Variants in SLC24A2 observed in about 807,000 individuals in gnomAD.
The protein encoded by SLC24A2 is solute carrier family 24 member 2, also known as sodium/potassium/calcium exchanger 2.
Under a neutral mutation model 62.0 loss-of-function variants are expected in SLC24A2, and 36 were observed. The ratio of observed to expected loss-of-function variants is 0.58; its 90% CI spans 0.44 to 0.77. The LOEUF (loss-of-function observed/expected upper bound fraction) is 0.77, where lower values mean the gene tolerates loss of function less well. Among genes scored for constraint, SLC24A2 ranks in the 30% least tolerant of loss-of-function variants. The pLI is 0.00. For missense variants in SLC24A2, 846 were observed against 817.9 expected, an observed-to-expected ratio of 1.03 and a Z score of -0.42; for synonymous variants, 358 against 294.0, an observed-to-expected ratio of 1.22 and a Z score of -2.23.
the SLC24A2 span, among the ~76,000 whole-genome samples, chr9:19,813,582 G>T: frequency 6.6e-6 from 1 of 152,012 alleles, no homozygotes; most frequent in Non-Finnish European, 1.5e-5. Context: ...GCCTTCCAAA[G>T]TGCTGGGATT....
chr9:19,665,890 C>T (rs928770059), intron 2 of SLC24A2, among the ~76,000 whole-genome samples: 1 of 152,104 alleles, frequency 6.6e-6, no homozygotes, highest in South Asian at 2.1e-4. Context: ...AACTCCTTGG[C>T]TGAAGCACCT....
intron 6 of SLC24A2, among the ~76,000 whole-genome samples, chr9:19,574,341 T>C (rs1456822658): frequency 6.6e-6 from 1 of 152,160 alleles, no homozygotes; most frequent in African/African-American, 2.4e-5. Flanking sequence ...AAGTGCAGAT[T>C]TGACACTTGA....
chr9:19,889,742 G>A, the SLC24A2 span, among the ~76,000 whole-genome samples: 1 of 152,126 alleles, frequency 6.6e-6, no homozygotes, highest in African/African-American at 2.4e-5. Context: ...TACCATGGTG[G>A]CTGTCAAAAT....
chr9:20,105,394 C>A, the SLC24A2 span, among the ~76,000 whole-genome samples: 2 of 151,978 alleles, frequency 1.3e-5, no homozygotes, highest in Admixed American at 6.6e-5. Flanking sequence ...ACAGAATATA[C>A]ATTTTTTTCA....
chr9:20,113,922 C>G, the SLC24A2 span, among the ~76,000 whole-genome samples: 2 of 152,130 alleles, frequency 1.3e-5, no homozygotes, highest in Non-Finnish European at 1.5e-5. Flanking sequence ...GAACAACAGG[C>G]AGCTTGGGAT....
intron 8 of SLC24A2, among the ~76,000 whole-genome samples, chr9:19,549,622 C>A (rs1000884533): frequency 6.6e-6 from 1 of 152,166 alleles, no homozygotes; most frequent in African/African-American, 2.4e-5. Flanking sequence ...TCCAGTAGAC[C>A]GTCCCAGCTG....
At chr9:19,788,266 C>T (rs1392344934) in intron 1 of SLC24A2, among the ~76,000 whole-genome samples, 1 of 152,206 alleles carries the variant, frequency 6.6e-6, no homozygotes, top group Non-Finnish European at 1.5e-5. Context: ...CAACGCTTAG[C>T]AGGAACGATT....
At chr9:19,853,009 T>C in the SLC24A2 span, among the ~76,000 whole-genome samples, 2 of 152,176 alleles carry the variant, frequency 1.3e-5, no homozygotes, top group African/African-American at 2.4e-5. Flanking sequence ...TGGTTTGTAG[T>C]TCTCCTTGAA....
chr9:20,070,141 G>C, the SLC24A2 span, among the ~76,000 whole-genome samples: 1 of 152,034 alleles, frequency 6.6e-6, no homozygotes, highest in African/African-American at 2.4e-5. Context: ...TCAAACAATT[G>C]AAACAACTTC....
chr9:19,521,336 T>A (rs1199540103), intron 9 of SLC24A2, among the ~76,000 whole-genome samples: 1 of 152,188 alleles, frequency 6.6e-6, no homozygotes, highest in Non-Finnish European at 1.5e-5. Context: ...ATATGGTGCT[T>A]TCTAAGATTG....
the SLC24A2 span, among the ~76,000 whole-genome samples, chr9:20,113,783 T>C: frequency 7.9e-5 from 12 of 152,342 alleles, no homozygotes; most frequent in Middle Eastern, 0.017. Context: ...ATGAATGGTC[T>C]TCTATATAAA....
At chr9:19,544,978 G>C (rs752997064) in intron 8 of SLC24A2, among the ~76,000 whole-genome samples, 4 of 152,138 alleles carry the variant, frequency 2.6e-5, no homozygotes, top group Non-Finnish European at 5.9e-5. Context: ...GGCCTGTCTT[G>C]CTAGGTTGGG....
the SLC24A2 span, among the ~76,000 whole-genome samples, chr9:20,158,941 T>A: frequency 6.6e-6 from 1 of 151,746 alleles, no homozygotes; most frequent in Non-Finnish European, 1.5e-5. Flanking sequence ...AGTAAAACTA[T>A]TGTTTTAAAG....
chr9:20,122,061 C>A, the SLC24A2 span, among the ~76,000 whole-genome samples: 5 of 152,164 alleles, frequency 3.3e-5, no homozygotes, highest in Non-Finnish European at 5.9e-5. Flanking sequence ...CTGAGATGAG[C>A]TGGGGGCACC....
At chr9:19,657,502 C>T (rs145609059) in intron 2 of SLC24A2, among the ~76,000 whole-genome samples, 43 of 152,174 alleles carry the variant, frequency 2.8e-4, no homozygotes, top group African/African-American at 9.2e-4. Flanking sequence ...TTTTAAGCCC[C>T]GCATGCATTA....
At chr9:19,736,025 G>T (rs1321677187) in intron 2 of SLC24A2, among the ~76,000 whole-genome samples, 1 of 152,074 alleles carries the variant, frequency 6.6e-6, no homozygotes, top group Non-Finnish European at 1.5e-5. Flanking sequence ...ATTAAAATAT[G>T]TGATAACAGT....
chr9:19,949,632 T>C, the SLC24A2 span, among the ~76,000 whole-genome samples: 1 of 152,196 alleles, frequency 6.6e-6, no homozygotes, highest in African/African-American at 2.4e-5. Context: ...AGGTGTGATC[T>C]CATGACTAAG....
intron 2 of SLC24A2, among the ~76,000 whole-genome samples, chr9:19,623,454 T>C (rs1817958723): frequency 6.6e-6 from 1 of 152,222 alleles, no homozygotes; most frequent in African/African-American, 2.4e-5. Flanking sequence ...CATGTAAAGA[T>C]ATTAAGATGT....
At position 19,546,163 on chromosome 9, in the gene SLC24A2, C is replaced by G. The variant is rs144212960; in HGVS notation, c.1479+3974G>C. On this transcript the variant is annotated intron_variant, in intron 8 of 10. Transcript: ENST00000341998. ...TTGGCCCCTACTGGGAGCTGTCTCC[C>G]AGTCAGTACACATGGGTGTCAGGGA... 1.5e-3 allele frequency among the ~76,000 whole-genome samples: 222 copies of G among 152,326 alleles called. 1 individual carries two copies. The highest frequency in any genetic ancestry group is 5.1e-3 in the African/African-American group (214 of 41,576).
Sources: gnomAD v4.1 joint callset for allele counts (sites outside exome capture counted in the v4.1 genomes callset) on GRCh38, gnomAD v4.1.1 for gene constraint, MANE v1.5 for transcripts, NCBI Gene and HGNC (gene_info 2026-07-23, HGNC 2026-07-21) for gene names.